Variants in CDH23 observed in about 807,000 individuals in gnomAD.
The protein encoded by CDH23 is cadherin related 23, also known as cadherin-23.
In CDH23, 189 loss-of-function variants were observed where a neutral mutation model predicts 317.1. That is an observed-to-expected ratio of 0.60 (90% CI 0.53 to 0.67). The LOEUF is 0.67. CDH23 is among the 30% of genes least tolerant of loss of function. The pLI is 0.00. For synonymous variants in CDH23, 1,839 were observed against 1,876.8 expected (o/e 0.98, Z 0.52); for missense variants, 4,401 against 4,592.4 (o/e 0.96, Z 1.20).
chr10:71,538,093 C>A (rs1488835572), intron 6 of CDH23, among the ~76,000 whole-genome samples: 1 of 152,204 alleles, frequency 6.6e-6, no homozygotes, highest in African/African-American at 2.4e-5. Context: ...ATATGTACAG[C>A]AAGGCCAGGA....
chr10:71,568,399 G>A (rs1475320407), intron 7 of CDH23, among the ~76,000 whole-genome samples: 2 of 152,180 alleles, frequency 1.3e-5, no homozygotes, highest in African/African-American at 4.8e-5. Context: ...GCCCGCTGTG[G>A]GATAATTTCC....
chr10:71,644,228 G>A (rs1032097079), intron 12 of CDH23, among the ~76,000 whole-genome samples: 3 of 152,216 alleles, frequency 2.0e-5, no homozygotes, highest in African/African-American at 7.2e-5. Flanking sequence ...GGAGCCCCGC[G>A]GCTTGCCTGG....
chr10:71,624,180 G>A (rs1861600764), intron 11 of CDH23, among the ~76,000 whole-genome samples: 1 of 152,122 alleles, frequency 6.6e-6, no homozygotes, highest in Non-Finnish European at 1.5e-5. Context: ...CCACGGACTC[G>A]GTTCCGGCAA....
chr10:71,614,643 C>A (rs1026010490), intron 9 of CDH23, among the ~76,000 whole-genome samples: 12 of 152,140 alleles, frequency 7.9e-5, no homozygotes, highest in African/African-American at 2.7e-4. Flanking sequence ...CCTGTGGGGA[C>A]CAGAAAGGGC....
intron 11 of CDH23, among the ~76,000 whole-genome samples, chr10:71,632,746 G>A (rs1862073990): frequency 6.6e-6 from 1 of 152,114 alleles, no homozygotes; most frequent in Non-Finnish European, 1.5e-5. Flanking sequence ...CACCACCTTT[G>A]CATGCCCTCT....
chr10:71,558,297 G>C (rs953134873), intron 6 of CDH23, among the ~76,000 whole-genome samples: 1 of 152,152 alleles, frequency 6.6e-6, no homozygotes, highest in African/African-American at 2.4e-5. Context: ...ACCATGCCTG[G>C]CCTGTATTTT....
intron 2 of CDH23, among the ~76,000 whole-genome samples, chr10:71,443,764 C>A (rs766895000): frequency 5.9e-5 from 9 of 152,384 alleles, no homozygotes; most frequent in Non-Finnish European, 1.2e-4. Flanking sequence ...TACATTCCCG[C>A]TTCGCTGGAG....
chr10:71,773,669 TG>T (rs1456265394), intron 38 of CDH23, among the ~76,000 whole-genome samples: 2 of 152,118 alleles, frequency 1.3e-5, no homozygotes, highest in Non-Finnish European at 2.9e-5. Flanking sequence ...GCCCCGTGGG[TG>T]GGGAGCCAGC....
At chr10:71,519,165 G>A (rs561707209) in intron 6 of CDH23, among the ~76,000 whole-genome samples, 2 of 152,298 alleles carry the variant, frequency 1.3e-5, no homozygotes, top group South Asian at 4.1e-4. Context: ...ACGAAGCAGG[G>A]GGACTGTGCA....
At chr10:71,653,247 A>AC (rs1274164044) in intron 14 of CDH23, among the ~76,000 whole-genome samples, 1 of 152,122 alleles carries the variant, frequency 6.6e-6, no homozygotes, top group East Asian at 1.9e-4. Context: ...CACAGCATTG[A>AC]CCCCACAAGG....
intron 6 of CDH23, among the ~76,000 whole-genome samples, chr10:71,539,562 C>G (rs1345207694): frequency 6.6e-6 from 1 of 152,006 alleles, no homozygotes; most frequent in Non-Finnish European, 1.5e-5. Flanking sequence ...CTCCTTTTAT[C>G]TCCCATTTCA....
intron 14 of CDH23, among the ~76,000 whole-genome samples, chr10:71,665,095 G>A (rs1048997529): frequency 6.6e-6 from 1 of 152,216 alleles, no homozygotes; most frequent in Non-Finnish European, 1.5e-5. Context: ...GGCACTGGAT[G>A]GGTGCTGGGG....
At chr10:71,551,441 G>A (rs180800591) in intron 6 of CDH23, among the ~76,000 whole-genome samples, 139 of 152,272 alleles carry the variant, frequency 9.1e-4, no homozygotes, top group African/African-American at 3.2e-3. Context: ...TCGAGTCTCC[G>A]CATTCTTCAT....
intron 9 of CDH23, among the ~76,000 whole-genome samples, chr10:71,581,466 G>T (rs946339237): frequency 2.0e-5 from 3 of 152,180 alleles, no homozygotes; most frequent in African/African-American, 7.2e-5. Context: ...CAGTTAACTT[G>T]CCCAGTCCCC....
chr10:71,773,742 A>G (rs563004494), intron 38 of CDH23, among the ~76,000 whole-genome samples: 1 of 152,278 alleles, frequency 6.6e-6, no homozygotes, highest in Admixed American at 6.5e-5. Context: ...ACCGTCCCCC[A>G]GTCCTTTTGG....
intron 1 of CDH23, among the ~76,000 whole-genome samples, chr10:71,399,064 C>A (rs745691168): frequency 1.3e-5 from 2 of 152,210 alleles, no homozygotes; most frequent in Non-Finnish European, 2.9e-5. Flanking sequence ...ATAGCTCCCC[C>A]ACTCAACAAG....
At chr10:71,706,247 C>A (rs1052203238) in intron 25 of CDH23, among the ~76,000 whole-genome samples, 1 of 152,122 alleles carries the variant, frequency 6.6e-6, no homozygotes, top group African/African-American at 2.4e-5. Flanking sequence ...GCATGCAGAG[C>A]GGAGTAAACA....
chr10:71,638,912 G>T (rs1230869693), intron 11 of CDH23, among the ~76,000 whole-genome samples: 1 of 152,148 alleles, frequency 6.6e-6, no homozygotes, highest in African/African-American at 2.4e-5. Context: ...TAGGGAAGTT[G>T]CGGGGCAGCC....
intron 9 of CDH23, among the ~76,000 whole-genome samples, chr10:71,605,252 T>A (rs181014797): frequency 0.038 from 5,551 of 146,656 alleles, 113 homozygotes; most frequent in East Asian, 0.048. Context: ...CTTTTTTTTT[T>A]AAAAAAAAAA....
Sources: gnomAD v4.1 joint callset for allele counts (sites outside exome capture counted in the v4.1 genomes callset) on GRCh38, gnomAD v4.1.1 for gene constraint, MANE v1.5 for transcripts, NCBI Gene and HGNC (gene_info 2026-07-23, HGNC 2026-07-21) for gene names.